The following CPNE4 variants were observed in gnomAD, a reference collection of about 807,000 sequenced individuals.
The protein encoded by CPNE4 is copine 4.
CPNE4 carries 25 observed loss-of-function variants against 67.9 expected under a neutral mutation model. That is an observed-to-expected ratio of 0.37 (90% CI 0.27 to 0.51). The LOEUF is 0.51. Ranked by LOEUF, CPNE4 falls within the 20% of genes least tolerant of loss-of-function variation. The pLI, the probability that CPNE4 is intolerant of heterozygous loss-of-function variation, is 0.93. For synonymous variants in CPNE4, 242 were observed against 244.9 expected (o/e 0.99, Z 0.11); for missense variants, 464 against 690.8 (o/e 0.67, Z 3.68).
intron 7 of CPNE4, among the ~76,000 whole-genome samples, chr3:131,655,938 T>C (rs558847516): frequency 3.9e-5 from 6 of 152,168 alleles, no homozygotes; most frequent in Non-Finnish European, 8.8e-5. Flanking sequence ...AAAAAGGACC[T>C]GACATTTAGA....
rs1055030030 is a variant in CPNE4 at position 131,993,176 on chromosome 3, A to T, written c.-2+41391T>A. On this transcript the variant is annotated intron_variant, in intron 1 of 15. Transcript: ENST00000429747. ...TACCTTGCAATAAGGAGTTAGGTCCATAAAAAATCGTTCTGTTCTCTATCA... is the reference window on the plus strand; with the variant it reads ...TACCTTGCAATAAGGAGTTAGGTCCTTAAAAAATCGTTCTGTTCTCTATCA... Among the ~76,000 whole-genome samples, 9 of 135,718 alleles carry T rather than the reference A, an allele frequency of 6.6e-5. 3 individuals carry two copies. Among genetic ancestry groups the T allele is most frequent in the Non-Finnish European group, 1.5e-4 (9 of 59,926 alleles). The allele number at this position is 135,718 out of a possible 152,430, so 89.0% of individuals were successfully genotyped here.
intron 7 of CPNE4, among the ~76,000 whole-genome samples, chr3:131,622,381 G>C (rs1216896704): frequency 6.6e-6 from 1 of 152,180 alleles, no homozygotes; most frequent in Non-Finnish European, 1.5e-5. Context: ...AAATTAGAAT[G>C]TTGATTACTC....
intron 2 of CPNE4, among the ~76,000 whole-genome samples, chr3:131,811,998 G>A (rs114238615): frequency 3.1e-4 from 47 of 152,202 alleles, no homozygotes; most frequent in African/African-American, 1.1e-3. Flanking sequence ...TTAAGTATAG[G>A]AGAGTGCGCC....
chr3:131,981,313 G>C (rs13085380), intron 1 of CPNE4, among the ~76,000 whole-genome samples: 24,443 of 151,906 alleles, frequency 0.16, 2,384 homozygotes, highest in Middle Eastern at 0.21. Flanking sequence ...ACCATCAGGT[G>C]GGGGTGGGGC....
intron 2 of CPNE4, among the ~76,000 whole-genome samples, chr3:131,791,059 T>C (rs1020584005): frequency 1.3e-5 from 2 of 152,200 alleles, no homozygotes; most frequent in Non-Finnish European, 2.9e-5. Context: ...TACATTTTGA[T>C]GATTACTGGA....
At chr3:131,610,112 C>A (rs960187792) in intron 7 of CPNE4, among the ~76,000 whole-genome samples, 2 of 151,900 alleles carry the variant, frequency 1.3e-5, no homozygotes, top group Non-Finnish European at 2.9e-5. Flanking sequence ...TTTCCTTTTT[C>A]CCTCCTTTCA....
intron 1 of CPNE4, among the ~76,000 whole-genome samples, chr3:131,983,472 T>A (rs2072962358): frequency 6.6e-6 from 1 of 152,210 alleles, no homozygotes; most frequent in Non-Finnish European, 1.5e-5. Context: ...AAGATCTCTT[T>A]AAAGTGCATA....
At chr3:131,705,713 A>G (rs1314288800) in intron 3 of CPNE4, among the ~76,000 whole-genome samples, 1 of 152,138 alleles carries the variant, frequency 6.6e-6, no homozygotes, top group Non-Finnish European at 1.5e-5. Flanking sequence ...CATTAGTTTG[A>G]GCTTCCTGTC....
At chr3:131,828,825 C>T (rs1025705574) in intron 2 of CPNE4, among the ~76,000 whole-genome samples, 1 of 152,068 alleles carries the variant, frequency 6.6e-6, no homozygotes, top group Non-Finnish European at 1.5e-5. Context: ...GACAGTAAGA[C>T]CTGACTCTAA....
intron 3 of CPNE4, among the ~76,000 whole-genome samples, chr3:131,701,137 T>A (rs1207880386): frequency 6.6e-6 from 1 of 150,580 alleles, no homozygotes; most frequent in East Asian, 2.0e-4. Context: ...GAGATATACC[T>A]AATGTAAATG....
At chr3:131,923,430 C>T (rs765593256) in intron 1 of CPNE4, among the ~76,000 whole-genome samples, 9 of 152,026 alleles carry the variant, frequency 5.9e-5, no homozygotes, top group East Asian at 1.9e-4. Context: ...ACTGGCTGGG[C>T]GCAGTGGCTC....
chr3:131,778,365 G>C (rs1214992115), intron 2 of CPNE4, among the ~76,000 whole-genome samples: 3 of 152,064 alleles, frequency 2.0e-5, no homozygotes, highest in Non-Finnish European at 4.4e-5. Context: ...GTCCTGGAGA[G>C]AGTATAGATT....
intron 1 of CPNE4, among the ~76,000 whole-genome samples, chr3:132,011,353 T>C (rs2073757021): frequency 6.6e-6 from 1 of 152,206 alleles, no homozygotes; most frequent in African/African-American, 2.4e-5. Context: ...TCCTGAGCTC[T>C]TGCACAGGAT....
chr3:131,716,773 T>C lies in CPNE4; in HGVS notation c.360+6673A>G, dbSNP rs563122952. On this transcript the variant is annotated intron_variant, in intron 3 of 15. Coordinates refer to ENST00000429747, the MANE Select transcript of CPNE4 (RefSeq NM_130808.3). ...TTTCTTGAAGTCAGCACTATTATTATTTCCATTTTTCAAATGAAGAAACTG... is the reference window on the plus strand; with the variant it reads ...TTTCTTGAAGTCAGCACTATTATTACTTCCATTTTTCAAATGAAGAAACTG... 3.3e-5 allele frequency among the ~76,000 whole-genome samples: 5 copies of C among 152,344 alleles called. No individual in the cohort carries two copies. In the South Asian group the frequency reaches 1.0e-3, roughly 32 times the overall value.
rs564300979 is a variant in CPNE4, at chr3:131,669,128, T to G, written c.681+547A>C. On this transcript the variant is annotated intron_variant, in intron 7 of 15. Transcript: ENST00000429747. ...TGGCCTGGGGATGATGAGAGCCATA[T>G]GGCCCCACCCCTTCTCTCATTCCAG... 2.6e-5 allele frequency among the ~76,000 whole-genome samples: 4 copies of G among 152,260 alleles called. No homozygotes were observed. The East Asian group carries it at 5.8e-4, about 22-fold the overall frequency.
rs75485985 is a variant in CPNE4 at position 132,006,280 on chromosome 3, G to C, written c.-2+28287C>G. 5.0e-3 allele frequency among the ~76,000 whole-genome samples: 755 copies of C among 152,248 alleles called. 14 individuals are homozygous for C. In the South Asian group the frequency reaches 0.054, roughly 11 times the overall value. ...CCTGGACACACCACCATGGGCCATA[G>C]GACATCTGAAGAGTTCAGTTTCCTC... On this transcript the variant is annotated intron_variant, in intron 1 of 15. Coordinates refer to ENST00000429747, the MANE Select transcript of CPNE4 (RefSeq NM_130808.3).
intron 2 of CPNE4, among the ~76,000 whole-genome samples, chr3:131,792,702 C>CACGTGTGTATATATGTATATATAT (rs2083790623): frequency 2.9e-5 from 1 of 34,590 alleles, no homozygotes; most frequent in African/African-American, 9.3e-5. Flanking sequence ...TATACATATA[C>CACGTGTGTATATATGTATATATAT]ACACACGTGT....
intron 4 of CPNE4, among the ~76,000 whole-genome samples, chr3:131,696,884 G>A (rs543803880): frequency 6.6e-6 from 1 of 152,152 alleles, no homozygotes; most frequent in African/African-American, 2.4e-5. Context: ...AAAAATAGAA[G>A]AGCAGTTTGG....
In CPNE4 at chr3:131,656,433, AT is replaced by A. The variant is rs199799315; in HGVS notation, c.681+13241del. ...ATAAGAATGAGTAGATAAGAGGGGT[AT>A]TTTTCTAGGGGTCTTTAAAAGGTGA... On this transcript the variant is annotated intron_variant, in intron 7 of 15. Transcript: ENST00000429747. 9.9e-5 allele frequency among the ~76,000 whole-genome samples: 15 copies of A among 152,284 alleles called. No homozygotes were observed. The East Asian group carries it at 2.7e-3, about 27-fold the overall frequency.
Sources: gnomAD v4.1 joint callset for allele counts (sites outside exome capture counted in the v4.1 genomes callset) on GRCh38, gnomAD v4.1.1 for gene constraint, MANE v1.5 for transcripts, NCBI Gene and HGNC (gene_info 2026-07-23, HGNC 2026-07-21) for gene names.